Variants in CNTN6 observed in about 807,000 individuals in gnomAD.
CNTN6 encodes the protein contactin-6.
A neutral mutation model predicts 122.8 loss-of-function variants in CNTN6; 137 were observed. That is an observed-to-expected ratio of 1.12 (90% CI 0.97 to 1.29). The LOEUF (loss-of-function observed/expected upper bound fraction) is 1.29, where lower values mean the gene tolerates loss of function less well. CNTN6 is among the 50% of genes most tolerant of loss of function. CNTN6 has a pLI of 0.00. For missense variants in CNTN6, 1,634 were observed against 1,223.4 expected (o/e 1.34, Z -5.01); for synonymous variants, 570 against 426.0 (o/e 1.34, Z -4.16).
intron 5 of CNTN6, among the ~76,000 whole-genome samples, chr3:1,283,638 C>A (rs560684729): frequency 6.6e-6 from 1 of 151,840 alleles, no homozygotes; most frequent in Non-Finnish European, 1.5e-5. Flanking sequence ...TTAAACCCCC[C>A]CTTCACTATG....
chr3:1,373,615 C>T lies in CNTN6; in HGVS notation c.1798C>T (p.Pro600Ser), dbSNP rs1290051851. 6 of 1,611,214 alleles carry T rather than the reference C, an allele frequency of 3.7e-6. No individual in the cohort carries two copies. Among genetic ancestry groups the T allele is most frequent in the Non-Finnish European group, 4.2e-6 (5 of 1,178,702 alleles). The change falls in exon 15 of 23, where the codon CCT becomes TCT. Residue 600 changes from proline (P) to serine (S), a missense_variant. Coordinates refer to ENST00000446702, the MANE Select transcript of CNTN6 (RefSeq NM_001289080.2). ...ACATTTTTTTCAAGGTCCACCAGGT[C>T]CTCCTGAGGATGTGCAAGTGGAAGA... Reference protein sequence around the residue: ...ADIIVRGPPGPPEDVQVEDIS... With the variant: ...ADIIVRGPPGSPEDVQVEDIS...
At chr3:1,338,837 A>G (rs1301745060) in intron 11 of CNTN6, among the ~76,000 whole-genome samples, 2 of 152,150 alleles carry the variant, frequency 1.3e-5, no homozygotes, top group East Asian at 1.9e-4. Context: ...TTAAAGTATA[A>G]TGTCCTTTTT....
chr3:1,336,970 G>A (rs972326484), intron 11 of CNTN6, among the ~76,000 whole-genome samples: 1 of 152,082 alleles, frequency 6.6e-6, no homozygotes, highest in African/African-American at 2.4e-5. Context: ...ATGAGAGAAA[G>A]GACCAGGGAA....
chr3:1,251,329 C>T (rs2094664862), intron 4 of CNTN6, among the ~76,000 whole-genome samples: 1 of 152,158 alleles, frequency 6.6e-6, no homozygotes, highest in East Asian at 1.9e-4. Flanking sequence ...TCTCTCCAGT[C>T]CATGGACTCC....
chr3:1,281,300 C>A (rs765006616), intron 5 of CNTN6, among the ~76,000 whole-genome samples: 1 of 152,056 alleles, frequency 6.6e-6, no homozygotes, highest in African/African-American at 2.4e-5. Flanking sequence ...AGAGAAACGT[C>A]CTAGAAATAT....
intron 2 of CNTN6, among the ~76,000 whole-genome samples, chr3:1,178,368 G>C (rs976257574): frequency 8.6e-5 from 13 of 152,038 alleles, no homozygotes; most frequent in African/African-American, 3.1e-4. Context: ...CAAGTCTACT[G>C]ATAAGATGAA....
rs150847678 is a variant in CNTN6, at chr3:1,311,685, C to A, written c.762-9965C>A. Among the ~76,000 whole-genome samples, 6 of 151,330 alleles carry A rather than the reference C, an allele frequency of 4.0e-5. 1 individual carries two copies. Among genetic ancestry groups the A allele is most frequent in the African/African-American group, 1.4e-4 (6 of 41,430 alleles). Reference sequence around the variant, plus strand: ...ATAAAATCCTTTTTATACTTAATTTCTCCCCCAAAGGATAACTACTCTTAT... The same window carrying A: ...ATAAAATCCTTTTTATACTTAATTTATCCCCCAAAGGATAACTACTCTTAT... On this transcript the variant is annotated intron_variant, in intron 7 of 22. Transcript: ENST00000446702.
chr3:1,280,448 G>C (rs905230077), intron 5 of CNTN6, among the ~76,000 whole-genome samples: 1 of 73,148 alleles, frequency 1.4e-5, no homozygotes, highest in East Asian at 2.5e-4. Context: ...TGGCAAACTT[G>C]TGTAATACCA....
At position 1,321,698 on chromosome 3, in the gene CNTN6, A is replaced by G. The variant is rs757001842; in HGVS notation, c.810A>G (p.Pro270=). 24 of 1,611,714 alleles carry G rather than the reference A, an allele frequency of 1.5e-5. No individual in the cohort carries two copies. The highest frequency in any genetic ancestry group is 2.0e-5 in the Non-Finnish European group (23 of 1,178,504). ...SWRRLDGSPL[P]GKVKYSKSQA... is the part of the protein sequence containing the mutation. ...GAAGGTTGGACGGGAGCCCGTTGCCAGGGAAAGTCAAGTACAGCAAATCCC... is the reference window on the plus strand; with the variant it reads ...GAAGGTTGGACGGGAGCCCGTTGCCGGGGAAAGTCAAGTACAGCAAATCCC... The change falls in exon 8 of 23, where the codon CCA becomes CCG. Residue 270 remains proline (P), a synonymous_variant. Transcript: ENST00000446702.
At chr3:1,316,801 T>C (rs957570928) in intron 7 of CNTN6, among the ~76,000 whole-genome samples, 1 of 151,956 alleles carries the variant, frequency 6.6e-6, no homozygotes, top group South Asian at 2.1e-4. Context: ...AGCTCGCTAC[T>C]AAAATAATTT....
chr3:1,130,529 C>G (rs1342907539), intron 1 of CNTN6, among the ~76,000 whole-genome samples: 1 of 152,114 alleles, frequency 6.6e-6, no homozygotes, highest in Non-Finnish European at 1.5e-5. Flanking sequence ...GAGCATTGTT[C>G]TGCACCACCT....
chr3:1,372,728 C>T lies in CNTN6; in HGVS notation c.1669-110C>T, dbSNP rs542060518. The T allele has an allele frequency of 1.5e-3, 1,114 of 727,970 alleles. 2 individuals carry two copies. Among genetic ancestry groups the T allele is most frequent in the Non-Finnish European group, 2.2e-3 (955 of 439,748 alleles). 45.1% of individuals were successfully genotyped at this position (727,970 alleles called of 1,614,324 possible). Reference sequence around the variant, plus strand: ...AGAAATGACAATGATACTAGTATATCTTTTAATTTCAGAGTTGTTTTATGT... The same window carrying T: ...AGAAATGACAATGATACTAGTATATTTTTTAATTTCAGAGTTGTTTTATGT... On this transcript the variant is annotated intron_variant, in intron 13 of 22. Transcript: ENST00000446702.
chr3:1,101,369 G>A (rs1318599902), intron 1 of CNTN6, among the ~76,000 whole-genome samples: 2 of 152,096 alleles, frequency 1.3e-5, no homozygotes, highest in African/African-American at 4.8e-5. Flanking sequence ...TTTAACCTCG[G>A]CTATGTGTAC....
chr3:1,383,234 T>G (rs994329118), intron 18 of CNTN6, 58 bp downstream of exon 18: 4 of 1,596,102 alleles, frequency 2.5e-6, no homozygotes, highest in Non-Finnish European at 3.4e-6. Context: ...TGTGTTCCCT[T>G]GTTCCATTTT....
chr3:1,297,475 C>T (rs1167730091), intron 6 of CNTN6, among the ~76,000 whole-genome samples: 1 of 152,052 alleles, frequency 6.6e-6, no homozygotes, highest in African/African-American at 2.4e-5. Context: ...AACTTAGCGG[C>T]AAAACCTTAT....
At chr3:1,300,066 A>T (rs910661250) in intron 7 of CNTN6, among the ~76,000 whole-genome samples, 2 of 151,352 alleles carry the variant, frequency 1.3e-5, no homozygotes, top group Non-Finnish European at 3.0e-5. Context: ...AAGCTCTGCC[A>T]CCCGGGTTCC....
intron 20 of CNTN6, among the ~76,000 whole-genome samples, chr3:1,389,212 C>A (rs1421552693): frequency 6.6e-6 from 1 of 151,378 alleles, no homozygotes. Flanking sequence ...AACAGCAGAT[C>A]TCTCGGCAGA....
intron 4 of CNTN6, among the ~76,000 whole-genome samples, chr3:1,241,501 G>C (rs2094483813): frequency 6.6e-6 from 1 of 152,076 alleles, no homozygotes; most frequent in African/African-American, 2.4e-5. Context: ...TATGGTTTTG[G>C]ATGAATTGAG....
At chr3:1,161,540 T>C (rs2093132725) in intron 2 of CNTN6, among the ~76,000 whole-genome samples, 1 of 151,890 alleles carries the variant, frequency 6.6e-6, no homozygotes, top group Admixed American at 6.6e-5. Flanking sequence ...TGTATATACA[T>C]ATATATACAT....
Sources: gnomAD v4.1 joint callset for allele counts (sites outside exome capture counted in the v4.1 genomes callset) on GRCh38, gnomAD v4.1.1 for gene constraint, MANE v1.5 for transcripts, NCBI Gene and HGNC (gene_info 2026-07-23, HGNC 2026-07-21) for gene names.